The following MAP4 variants were observed in gnomAD, a reference collection of about 807,000 sequenced individuals.
The protein encoded by MAP4 is microtubule-associated protein 4.
A neutral mutation model predicts 170.2 loss-of-function variants in MAP4; 76 were observed. The ratio of observed to expected loss-of-function variants is 0.45; its 90% CI spans 0.37 to 0.54. The LOEUF is 0.54. Among genes scored for constraint, MAP4 ranks in the 20% least tolerant of loss-of-function variants. The pLI is 0.00. For missense variants in MAP4, 2,506 were observed against 2,748.0 expected (o/e 0.91, Z 1.97); for synonymous variants, 909 against 994.5 (o/e 0.91, Z 1.62).
At chr3:48,027,681 CAAAAAATAA>C (rs1385544899) in intron 1 of MAP4, among the ~76,000 whole-genome samples, 1 of 151,722 alleles carries the variant, frequency 6.6e-6, no homozygotes, top group Non-Finnish European at 1.5e-5. Context: ...TCCGTGTCTA[CAAAAAATAA>C]AAAAAATTAG....
At position 47,852,800 on chromosome 3, in the gene MAP4, C is replaced by T. The variant is rs1480110555; in HGVS notation, c.*134G>A. On this transcript the variant is annotated 3_prime_UTR_variant, in exon 21 of 21. Transcript: ENST00000683076. ...CCCAAGCGCTCACTGGTCTAGTGGA[C>T]AGCCCGGGAAAGGGGGCCAAGGACC... 2 of 1,549,008 alleles carry T rather than the reference C, an allele frequency of 1.3e-6. No homozygotes were observed. The highest frequency in any genetic ancestry group is 1.4e-5 in the African/African-American group (1 of 73,036).
chr3:47,919,223 G>A (rs974907273), intron 5 of MAP4, among the ~76,000 whole-genome samples: 17 of 151,810 alleles, frequency 1.1e-4, no homozygotes, highest in African/African-American at 3.9e-4. Flanking sequence ...GAACCACCGC[G>A]CCCGGCCTAA....
chr3:47,856,665 G>C (rs959551635), intron 18 of MAP4, among the ~76,000 whole-genome samples: 1 of 152,212 alleles, frequency 6.6e-6, no homozygotes, highest in Non-Finnish European at 1.5e-5. Context: ...GACCTCAAGT[G>C]ATCCGCCCGC....
At chr3:48,045,050 A>G (rs574974166) in intron 1 of MAP4, among the ~76,000 whole-genome samples, 1 of 152,048 alleles carries the variant, frequency 6.6e-6, no homozygotes, top group Non-Finnish European at 1.5e-5. Flanking sequence ...TGAGGTCAGG[A>G]GTTCAAGACC....
In MAP4 at chr3:47,947,957, G is replaced by A. The variant is rs991594605; in HGVS notation, c.293-19607C>T. Among the ~76,000 whole-genome samples the A allele has an allele frequency of 9.2e-5, 14 of 151,856 alleles. No homozygotes were observed. In the East Asian group the frequency reaches 2.7e-3, roughly 29 times the overall value. On this transcript the variant is annotated intron_variant, in intron 3 of 20. Coordinates refer to ENST00000683076, the MANE Select transcript of MAP4 (RefSeq NM_001385682.1). ...CTTGAAACATGCAATAAATACACAA[G>A]TCTATGTCTTTTGTACCCACTGGTC...
chr3:47,912,359 G>T lies in MAP4; in HGVS notation c.2062C>A (p.Arg688Ser). The T allele has an allele frequency of 6.5e-7, 1 of 1,534,444 alleles. No individual in the cohort carries two copies. Among genetic ancestry groups the T allele is most frequent in the Non-Finnish European group, 8.7e-7 (1 of 1,145,776 alleles). The change falls in exon 9 of 21, where the codon CGC becomes AGC. Residue 688 changes from arginine to serine, a missense_variant. Physicochemically the swap from Arg to Ser is moderately radical, Grantham distance 110. Around this residue, in one of 3 missense-constraint regions of MAP4, gnomAD observed 2,008 missense variants for 2,206.0 expected, o/e 0.91. Coordinates refer to ENST00000683076, the MANE Select transcript of MAP4 (RefSeq NM_001385682.1). Reference protein sequence around the residue: ...QAKQVCRPSDRRSTRPKPARV... With the variant: ...QAKQVCRPSDSRSTRPKPARV... ...GCAGGCTTGGGCCGGGTTGACCTGC[G>T]GTCACTGGGTCTGCAAACTTGTTTG...
intron 7 of MAP4, among the ~76,000 whole-genome samples, 199 bp downstream of exon 7, chr3:47,915,752 G>A (rs1484728530): frequency 2.6e-5 from 4 of 152,172 alleles, no homozygotes; most frequent in African/African-American, 9.7e-5. Flanking sequence ...ACAATCAGCA[G>A]AGAATGAACA....
chr3:47,912,460 T>TAAAAACAACA (rs762770004), intron 8 of MAP4, 39 bp from the exon 9 acceptor site: 1 of 1,436,420 alleles, frequency 7.0e-7, no homozygotes, highest in Non-Finnish European at 9.1e-7. Context: ...TATTGTTTCT[T>TAAAAACAACA]AAAAACAACA....
chr3:47,971,516 A>C (rs1237850286), intron 3 of MAP4, among the ~76,000 whole-genome samples: 1 of 152,246 alleles, frequency 6.6e-6, no homozygotes, highest in Non-Finnish European at 1.5e-5. Context: ...TTACACATGC[A>C]AACAGTTATC....
chr3:47,879,864 T>G (rs2096365047), intron 10 of MAP4, among the ~76,000 whole-genome samples: 1 of 152,220 alleles, frequency 6.6e-6, no homozygotes, highest in Admixed American at 6.5e-5. Flanking sequence ...TCCAGTACAC[T>G]ATATTTAAAA....
At chr3:47,891,797 G>A (rs2100024146) in intron 10 of MAP4, 1 of 1,535,004 alleles carries the variant, frequency 6.5e-7, no homozygotes, top group Non-Finnish European at 8.7e-7. Flanking sequence ...CACCAGGAGT[G>A]GGGACTCACA....
In MAP4 at chr3:48,036,445, AATTCTTAAAAACAGTTGTT is replaced by A. The variant is rs373266222; in HGVS notation, c.-19-37585_-19-37567del. Among the ~76,000 whole-genome samples, 678 of 152,226 alleles carry A rather than the reference AATTCTTAAAAACAGTTGTT, an allele frequency of 4.5e-3. 5 individuals are homozygous for A. Among genetic ancestry groups the A allele is most frequent in the South Asian group, 0.032 (155 of 4,812 alleles). ...ATTAACTTTATGCCTCCTGTTTTTT[AATTCTTAAAAACAGTTGTT>A]ATTCATCATTTATCATATTTCTGTG... is the stretch of plus-strand genomic sequence containing the variant. On this transcript the variant is annotated intron_variant, in intron 1 of 18. Transcript: ENST00000360240.
intron 18 of MAP4, among the ~76,000 whole-genome samples, chr3:47,856,351 A>G (rs1410205956): frequency 1.3e-5 from 2 of 152,252 alleles, no homozygotes; most frequent in Admixed American, 6.5e-5. Flanking sequence ...TTTCCCAGAT[A>G]AAAGGGGAAA....
chr3:47,908,726 A>T lies in MAP4; in HGVS notation c.5383+312T>A, dbSNP rs988174822. ...CTTGATACATAGGAGGCACAATTTT[A>T]AAAAAATTAAGAAATGGATGATGAT... is the stretch of plus-strand genomic sequence containing the variant. On this transcript the variant is annotated intron_variant, in intron 9 of 20. Transcript: ENST00000683076. Among the ~76,000 whole-genome samples the T allele has an allele frequency of 3.5e-4, 54 of 152,322 alleles. 1 individual carries two copies. The highest frequency in any genetic ancestry group is 4.1e-4 in the South Asian group (2 of 4,828).
intron 10 of MAP4, among the ~76,000 whole-genome samples, chr3:47,893,266 A>G (rs2153104075): frequency 6.6e-6 from 1 of 152,294 alleles, no homozygotes; most frequent in African/African-American, 2.4e-5. Flanking sequence ...TTCTAATTAT[A>G]AGACATTTGT....
chr3:47,921,151 A>C (rs1388271040), intron 5 of MAP4, among the ~76,000 whole-genome samples: 1 of 152,148 alleles, frequency 6.6e-6, no homozygotes, highest in Non-Finnish European at 1.5e-5. Context: ...CTGTCTCAAA[A>C]AAAAGGGGAG....
intron 9 of MAP4, among the ~76,000 whole-genome samples, chr3:47,903,330 G>A (rs1158602118): frequency 5.9e-5 from 9 of 152,082 alleles, no homozygotes; most frequent in Non-Finnish European, 5.9e-5. Flanking sequence ...TCAGGAGATC[G>A]AGACCATCCT....
chr3:47,872,073 T>C lies in MAP4; in HGVS notation c.5785A>G (p.Lys1929Glu). 6.2e-7 allele frequency: 1 copy of C among 1,613,022 alleles called. No homozygotes were observed. The highest frequency in any genetic ancestry group is 8.5e-7 in the Non-Finnish European group (1 of 1,179,498). The change falls in exon 13 of 21, where the codon AAG becomes GAG. Residue 1929 changes from lysine (K) to glutamate (E), a missense_variant. Coordinates refer to ENST00000683076, the MANE Select transcript of MAP4 (RefSeq NM_001385682.1). ...KPIADAKAPE[K>E]RASPSKPASA... is the part of the protein sequence containing the mutation. The stretch of plus-strand genomic sequence containing the variant: ...GCTGGCTTGGATGGTGAGGCCCGCT[T>C]CTCAGGAGCCTTTGCATCTGCAATG...
chr3:47,966,118 T>G (rs967196388), intron 3 of MAP4, among the ~76,000 whole-genome samples: 2 of 151,034 alleles, frequency 1.3e-5, no homozygotes, highest in Non-Finnish European at 2.9e-5. Flanking sequence ...TCTCCCAGGG[T>G]GAATGCAGCG....
Sources: allele counts gnomAD v4.1 joint callset (sites outside exome capture counted in the v4.1 genomes callset), GRCh38; gene constraint gnomAD v4.1.1; regional missense constraint gnomAD v4.1.1; transcripts MANE v1.5; gene names NCBI Gene and HGNC (gene_info 2026-07-23, HGNC 2026-07-21).